The following KYNU variants were observed in gnomAD, a reference collection of about 807,000 sequenced individuals.
KYNU encodes the protein kynureninase.
Under a neutral mutation model 59.2 loss-of-function variants are expected in KYNU, and 54 were observed. The observed-to-expected ratio is 0.91, with a 90% CI of 0.73 to 1.14. The LOEUF (loss-of-function observed/expected upper bound fraction) is 1.14. KYNU is among the 50% of genes most tolerant of loss of function. KYNU has a pLI of 0.00. For missense variants in KYNU, 567 were observed against 554.4 expected (o/e 1.02, Z -0.23); for synonymous variants, 177 against 192.0 (o/e 0.92, Z 0.65).
intron 8 of KYNU, among the ~76,000 whole-genome samples, chr2:142,970,751 C>A (rs2105123524): frequency 6.6e-6 from 1 of 152,258 alleles, no homozygotes; most frequent in South Asian, 2.1e-4. Flanking sequence ...GAATAGAATG[C>A]AAATAACTTC....
intron 1 of KYNU, among the ~76,000 whole-genome samples, chr2:142,885,013 C>A (rs1169332430): frequency 4.0e-5 from 5 of 126,208 alleles, no homozygotes; most frequent in African/African-American, 1.5e-4. Context: ...CCGAGGTGGG[C>A]GGATCACTTG....
intron 2 of KYNU, among the ~76,000 whole-genome samples, chr2:142,902,972 G>T (rs567129850): frequency 6.6e-6 from 1 of 152,308 alleles, no homozygotes; most frequent in Non-Finnish European, 1.5e-5. Flanking sequence ...GTCCAGGACT[G>T]TAAACCACTC....
At chr2:142,887,166 T>A (rs1030007022) in intron 2 of KYNU, among the ~76,000 whole-genome samples, 2 of 64,378 alleles carry the variant, frequency 3.1e-5, no homozygotes, top group African/African-American at 1.3e-4. Flanking sequence ...CGAGGCTCCA[T>A]CTCAACAACA....
intron 2 of KYNU, among the ~76,000 whole-genome samples, chr2:142,900,395 C>T (rs36000306): frequency 0.14 from 21,530 of 152,142 alleles, 2,500 homozygotes; most frequent in African/African-American, 0.31. Context: ...AAACAGAGCT[C>T]CCATACAAAG....
chr2:142,889,445 C>T (rs563382548), intron 2 of KYNU, among the ~76,000 whole-genome samples: 14 of 152,220 alleles, frequency 9.2e-5, no homozygotes, highest in African/African-American at 3.4e-4. Context: ...AGTGCGTGAG[C>T]TTTCTAGGTT....
At chr2:142,900,932 C>G (rs185601495) in intron 2 of KYNU, among the ~76,000 whole-genome samples, 2 of 151,866 alleles carry the variant, frequency 1.3e-5, no homozygotes, top group East Asian at 3.9e-4. Context: ...AGCTTTGATT[C>G]TGGAAGAGAC....
intron 3 of KYNU, among the ~76,000 whole-genome samples, chr2:142,924,141 G>C (rs1682975837): frequency 6.6e-6 from 1 of 152,098 alleles, no homozygotes; most frequent in South Asian, 2.1e-4. Flanking sequence ...GTGTCACTCT[G>C]TTGCCCAGGC....
intron 8 of KYNU, among the ~76,000 whole-genome samples, chr2:142,970,761 C>T (rs1270550871): frequency 6.6e-6 from 1 of 152,180 alleles, no homozygotes; most frequent in African/African-American, 2.4e-5. Flanking sequence ...CAAATAACTT[C>T]AGCTCTTTAT....
intron 10 of KYNU, among the ~76,000 whole-genome samples, chr2:142,987,387 C>G (rs1248428425): frequency 6.6e-6 from 1 of 151,898 alleles, no homozygotes; most frequent in African/African-American, 2.4e-5. Flanking sequence ...GCTTTGACCT[C>G]CTAGCACACA....
At chr2:142,900,955 G>T (rs551687295) in intron 2 of KYNU, among the ~76,000 whole-genome samples, 1 of 151,794 alleles carries the variant, frequency 6.6e-6, no homozygotes, top group Non-Finnish European at 1.5e-5. Flanking sequence ...ACTTAACAAG[G>T]ATGTTAAAGA....
intron 10 of KYNU, among the ~76,000 whole-genome samples, chr2:143,023,618 G>GTT (rs1686469170): frequency 6.6e-6 from 1 of 151,768 alleles, no homozygotes. Flanking sequence ...ATTCATAACT[G>GTT]TTTTATCTTT....
chr2:142,935,744 T>C (rs950177358), intron 4 of KYNU, among the ~76,000 whole-genome samples: 1 of 152,044 alleles, frequency 6.6e-6, no homozygotes, highest in African/African-American at 2.4e-5. Flanking sequence ...AAAGATGGCA[T>C]CTGAAGGAGT....
rs149723143 is a variant in KYNU at position 142,963,475 on chromosome 2, T to C, written c.729+2705T>C. ...TTAGGGCTGCTGTTTGTTTCACAGA[T>C]GACGCCTTGTTGCTTTGCCCTTCCT... On this transcript the variant is annotated intron_variant, in intron 8 of 13. Coordinates refer to ENST00000264170, the MANE Select transcript of KYNU (RefSeq NM_003937.3). 7.8e-3 allele frequency among the ~76,000 whole-genome samples: 1,195 copies of C among 152,320 alleles called. 10 individuals carry two copies. Among genetic ancestry groups the C allele is most frequent in the Middle Eastern group, 0.02 (6 of 294 alleles).
At chr2:142,946,310 C>G (rs953558524) in intron 4 of KYNU, among the ~76,000 whole-genome samples, 2 of 152,016 alleles carry the variant, frequency 1.3e-5, no homozygotes, top group Admixed American at 1.3e-4. Context: ...TCTCAAACTC[C>G]TGAGCTCATC....
chr2:142,973,234 T>C (rs1684784624), intron 8 of KYNU, among the ~76,000 whole-genome samples: 1 of 152,022 alleles, frequency 6.6e-6, no homozygotes. Flanking sequence ...GACCTCTGTC[T>C]CTGTAGTCTA....
intron 2 of KYNU, among the ~76,000 whole-genome samples, chr2:142,901,961 T>C (rs1682107464): frequency 6.6e-6 from 1 of 152,242 alleles, no homozygotes; most frequent in Non-Finnish European, 1.5e-5. Flanking sequence ...TTTCATTGTT[T>C]GGAAGAAATG....
rs1297011271 is a variant in KYNU at position 142,985,120 on chromosome 2, G to A, written c.766G>A (p.Gly256Arg). The change falls in exon 9 of 14, where the codon GGA (glycine) becomes AGA (arginine). Residue 256 changes from glycine to arginine, a missense_variant. Physicochemically the swap from Gly to Arg is moderately radical, Grantham distance 125. Coordinates refer to ENST00000264170, the MANE Select transcript of KYNU (RefSeq NM_003937.3). ...YVGFDLAHAV[G>R]NVELYLHDWG... ...TGGCTTTGATCTAGCACATGCAGTT[G>A]GAAATGTTGAACTCTACTTACATGA... 3.1e-6 allele frequency: 5 copies of A among 1,611,344 alleles called. No homozygotes were observed. The highest frequency in any genetic ancestry group is 3.4e-6 in the Non-Finnish European group (4 of 1,177,980).
rs1250608976 is a variant in KYNU at position 142,961,500 on chromosome 2, A to G, written c.729+730A>G. Among the ~76,000 whole-genome samples, 4 of 152,276 alleles carry G rather than the reference A, an allele frequency of 2.6e-5. No individual in the cohort carries two copies. In the East Asian group the frequency reaches 7.7e-4, roughly 29 times the overall value. Reference sequence around the variant, plus strand: ...ACTTTGTCATACTATAAATCACTCTATAAATGAGTTTTCACTTAATGCTGA... The same window carrying G: ...ACTTTGTCATACTATAAATCACTCTGTAAATGAGTTTTCACTTAATGCTGA... On this transcript the variant is annotated intron_variant, in intron 8 of 13. Transcript: ENST00000264170.
chr2:142,952,745 T>C (rs1464603288), intron 4 of KYNU, among the ~76,000 whole-genome samples: 1 of 152,220 alleles, frequency 6.6e-6, no homozygotes, highest in Non-Finnish European at 1.5e-5. Flanking sequence ...AAAAATGGAA[T>C]GTCTGAGCTT....
Sources: gnomAD v4.1 joint callset for allele counts (sites outside exome capture counted in the v4.1 genomes callset) on GRCh38, gnomAD v4.1.1 for gene constraint, MANE v1.5 for transcripts, NCBI Gene and HGNC (gene_info 2026-07-23, HGNC 2026-07-21) for gene names.